The following COBL variants were observed in gnomAD, a reference collection of about 807,000 sequenced individuals.
COBL encodes cordon-bleu WH2 repeat protein.
In COBL, 51 loss-of-function variants were observed where a neutral mutation model predicts 98.8. The ratio of observed to expected loss-of-function variants is 0.52; its 90% CI spans 0.41 to 0.65. The LOEUF (loss-of-function observed/expected upper bound fraction) is 0.65, where lower values mean the gene tolerates loss of function less well. Among genes scored for constraint, COBL ranks in the 30% least tolerant of loss-of-function variants. The pLI is 0.00. For synonymous variants in COBL, 634 were observed against 651.7 expected (o/e 0.97, Z 0.41); for missense variants, 1,617 against 1,617.5 (o/e 1.00, Z 0.01).
At chr7:51,316,362 C>G (rs1803593575) in intron 1 of COBL, 2 of 322,678 alleles carry the variant, frequency 6.2e-6, no homozygotes, top group Non-Finnish European at 1.1e-5. Context: ...GCTCCGGCCC[C>G]GGCCCGACAC....
chr7:51,137,466 A>G (rs1348906933), intron 5 of COBL, among the ~76,000 whole-genome samples: 1 of 152,078 alleles, frequency 6.6e-6, no homozygotes, highest in Non-Finnish European at 1.5e-5. Flanking sequence ...GGGTGTGGTC[A>G]TGCTCACCTT....
intron 1 of COBL, among the ~76,000 whole-genome samples, chr7:51,297,564 T>C (rs1801532360): frequency 6.6e-6 from 1 of 152,046 alleles, no homozygotes; most frequent in Non-Finnish European, 1.5e-5. Context: ...GCTAATTTTT[T>C]GTATGTTTAG....
chr7:51,160,783 A>G (rs1786718830), intron 5 of COBL, among the ~76,000 whole-genome samples: 1 of 152,210 alleles, frequency 6.6e-6, no homozygotes, highest in Non-Finnish European at 1.5e-5. Flanking sequence ...AACTATGCAG[A>G]TACTGAGAAA....
chr7:51,052,467 C>G (rs547839168), intron 7 of COBL, among the ~76,000 whole-genome samples: 196 of 152,282 alleles, frequency 1.3e-3, no homozygotes, highest in African/African-American at 4.5e-3. Context: ...TTTCTTGAGG[C>G]AAAAACCTTC....
intron 1 of COBL, among the ~76,000 whole-genome samples, chr7:51,246,128 A>C (rs1277439235): frequency 6.6e-6 from 1 of 152,198 alleles, no homozygotes; most frequent in Non-Finnish European, 1.5e-5. Context: ...CACTCCATGA[A>C]TTTAAAACTA....
At chr7:51,086,870 G>A (rs1271351906) in intron 6 of COBL, among the ~76,000 whole-genome samples, 1 of 151,302 alleles carries the variant, frequency 6.6e-6, no homozygotes, top group Admixed American at 6.6e-5. Context: ...CTAAAATTCT[G>A]TAATATATTT....
rs71021769 is a variant in COBL, at chr7:51,315,259, C to CAAAA, written c.41+1330_41+1333dup. Reference sequence around the variant, plus strand: ...TATATAACCACCAGTAAGTGCACTGCAAAAAAAAAAAAAGAGAGAGAGAAA... The same window carrying CAAAA: ...TATATAACCACCAGTAAGTGCACTGCAAAAAAAAAAAAAAAAAGAGAGAGAGAAA... On this transcript the variant is annotated intron_variant, in intron 1 of 12. Coordinates refer to ENST00000265136, the MANE Select transcript of COBL (RefSeq NM_015198.5). Among the ~76,000 whole-genome samples, 158 of 137,536 alleles carry CAAAA rather than the reference C, an allele frequency of 1.1e-3. 2 individuals are homozygous for CAAAA. Among genetic ancestry groups the CAAAA allele is most frequent in the Non-Finnish European group, 1.6e-3 (105 of 64,182 alleles). The allele number at this position is 137,536 out of a possible 152,430, so 90.2% of individuals were successfully genotyped here.
chr7:51,221,411 C>G (rs1234635129), intron 1 of COBL, among the ~76,000 whole-genome samples: 1 of 152,184 alleles, frequency 6.6e-6, no homozygotes, highest in Non-Finnish European at 1.5e-5. Flanking sequence ...ACAAATAACC[C>G]AACCATACAT....
At chr7:51,046,677 C>G (rs2214499) in intron 7 of COBL, among the ~76,000 whole-genome samples, 5 of 151,780 alleles carry the variant, frequency 3.3e-5, no homozygotes, top group Non-Finnish European at 5.9e-5. Flanking sequence ...AAAAGGAAAA[C>G]GTGGAGCTGC....
At chr7:51,047,434 T>C (rs928689189) in intron 7 of COBL, among the ~76,000 whole-genome samples, 6 of 152,232 alleles carry the variant, frequency 3.9e-5, no homozygotes, top group African/African-American at 1.4e-4. Context: ...GTTCCTCAAG[T>C]TGAACACAAT....
At chr7:51,138,760 T>C (rs1309390430) in intron 5 of COBL, among the ~76,000 whole-genome samples, 1 of 152,342 alleles carries the variant, frequency 6.6e-6, no homozygotes, top group East Asian at 1.9e-4. Flanking sequence ...TACACACCTG[T>C]ACCCATGCCA....
intron 1 of COBL, among the ~76,000 whole-genome samples, chr7:51,269,377 G>A (rs1305525318): frequency 1.3e-5 from 2 of 152,194 alleles, no homozygotes; most frequent in Non-Finnish European, 2.9e-5. Flanking sequence ...CAGTGACCCA[G>A]GTAAGAAGGA....
intron 2 of COBL, among the ~76,000 whole-genome samples, chr7:51,216,413 C>G (rs945847570): frequency 2.0e-5 from 3 of 152,100 alleles, no homozygotes; most frequent in East Asian, 3.9e-4. Flanking sequence ...TCAGGTGATC[C>G]GCCCACCTCA....
chr7:51,152,088 T>C (rs2129023384), intron 5 of COBL, among the ~76,000 whole-genome samples: 1 of 152,314 alleles, frequency 6.6e-6, no homozygotes, highest in Middle Eastern at 3.4e-3. Flanking sequence ...AACGATGCCT[T>C]AAAGGTTTAA....
At chr7:51,232,090 C>T (rs897775264) in intron 1 of COBL, among the ~76,000 whole-genome samples, 3 of 152,090 alleles carry the variant, frequency 2.0e-5, no homozygotes, top group Admixed American at 1.3e-4. Context: ...TTCTGGTAGA[C>T]GATGCAGAGC....
At chr7:51,136,417 A>G (rs1799247057) in intron 5 of COBL, 86 bp from the exon 6 acceptor site, 2 of 1,388,622 alleles carry the variant, frequency 1.4e-6, no homozygotes, top group African/African-American at 2.9e-5. Context: ...CAAAGTTCCA[A>G]TCCGTCCACC....
chr7:51,270,457 A>G (rs1798654031), intron 1 of COBL, among the ~76,000 whole-genome samples: 1 of 152,252 alleles, frequency 6.6e-6, no homozygotes, highest in South Asian at 2.1e-4. Context: ...CGTGGGGAAG[A>G]GAGGGTAAGG....
At chr7:51,236,084 A>C (rs1430126208) in intron 1 of COBL, among the ~76,000 whole-genome samples, 2 of 152,348 alleles carry the variant, frequency 1.3e-5, no homozygotes, top group East Asian at 3.9e-4. Context: ...CTCCAGTGGA[A>C]GGAAACTAAC....
chr7:51,288,579 C>T (rs1228513869), intron 1 of COBL, among the ~76,000 whole-genome samples: 1 of 151,850 alleles, frequency 6.6e-6, no homozygotes, highest in African/African-American at 2.4e-5. Context: ...ATGGTGAAAC[C>T]CTGTCTCTAC....
Sources: gnomAD v4.1 joint callset for allele counts (sites outside exome capture counted in the v4.1 genomes callset) on GRCh38, gnomAD v4.1.1 for gene constraint, MANE v1.5 for transcripts, NCBI Gene and HGNC (gene_info 2026-07-23, HGNC 2026-07-21) for gene names.